NME8: variants seen among roughly 807,000 people sequenced by gnomAD.
The protein encoded by NME8 is protein NME8.
A neutral mutation model predicts 82.3 loss-of-function variants in NME8; 72 were observed. That is an observed-to-expected ratio of 0.87 (90% CI 0.72 to 1.06). The LOEUF is 1.06. NME8 is among the 50% of genes least tolerant of loss of function. The probability of loss-of-function intolerance (pLI) is 0.00; values close to 1 mark genes in which losing one functional copy is unlikely to be tolerated. For synonymous variants in NME8, 267 were observed against 228.5 expected, an observed-to-expected ratio of 1.17 and a Z score of -1.52; for missense variants, 712 against 685.4, an observed-to-expected ratio of 1.04 and a Z score of -0.43.
chr7:37,870,993 G>A (rs570161683), intron 11 of NME8, among the ~76,000 whole-genome samples: 80 of 152,258 alleles, frequency 5.3e-4, no homozygotes, highest in South Asian at 1.7e-3. Flanking sequence ...ACTCTCATGC[G>A]TAATTTATTC....
chr7:37,861,284 T>G (rs1244733488), intron 6 of NME8, among the ~76,000 whole-genome samples: 1 of 152,206 alleles, frequency 6.6e-6, no homozygotes, highest in East Asian at 1.9e-4. Context: ...TCACCTGGCC[T>G]TGTCACTTGC....
At chr7:37,854,282 T>C (rs1784479160) in intron 5 of NME8, among the ~76,000 whole-genome samples, 1 of 152,060 alleles carries the variant, frequency 6.6e-6, no homozygotes, top group Admixed American at 6.6e-5. Flanking sequence ...ATGCATTAAG[T>C]GGAAGTGGAT....
intron 5 of NME8, among the ~76,000 whole-genome samples, chr7:37,854,441 G>A (rs1401640032): frequency 2.0e-5 from 3 of 151,990 alleles, no homozygotes; most frequent in Non-Finnish European, 2.9e-5. Context: ...CAGGCATAGT[G>A]GATGTAATTT....
intron 13 of NME8, 27 bp from the exon 14 acceptor site, chr7:37,885,118 C>G: frequency 6.9e-7 from 1 of 1,451,654 alleles, no homozygotes. Flanking sequence ...CTTCTTATTA[C>G]CTCTTCTTTG....
chr7:37,864,496 C>A, intron 9 of NME8, 75 bp downstream of exon 9: 1 of 1,409,810 alleles, frequency 7.1e-7, no homozygotes, highest in Non-Finnish European at 9.7e-7. Context: ...CAAAGACAAG[C>A]GTACCATTTA....
At chr7:37,885,409 C>G (rs949181778) in intron 14 of NME8, among the ~76,000 whole-genome samples, 157 bp downstream of exon 14, 2 of 152,156 alleles carry the variant, frequency 1.3e-5, no homozygotes, top group Non-Finnish European at 2.9e-5. Flanking sequence ...GACTGGAGGT[C>G]CAACCCAGTG....
chr7:37,848,823 G>A lies in NME8; in HGVS notation c.-240-1G>A, dbSNP rs1049955855. ...AACATTGCCCCCCTTCTTCTTCCCA[G>A]ACAGGCAGGGAATCCCTCTTCTTCC... On this transcript the variant is annotated splice_acceptor_variant, in intron 1 of 17. Coordinates refer to ENST00000199447, the MANE Select transcript of NME8 (RefSeq NM_016616.5). LOFTEE classifies it low-confidence loss of function (5UTR_SPLICE). 3.3e-5 allele frequency: 5 copies of A among 152,266 alleles called. No homozygotes were observed. The highest frequency in any genetic ancestry group is 1.2e-4 in the African/African-American group (5 of 41,452). The allele number at this position is 152,266 out of a possible 1,614,324, so 9.4% of individuals were successfully genotyped here. A position where few individuals can be genotyped will look rare whatever the true frequency, so the allele number is the denominator to read the frequency against.
chr7:37,863,061 A>G (rs942093994), intron 7 of NME8, among the ~76,000 whole-genome samples: 1 of 152,174 alleles, frequency 6.6e-6, no homozygotes. Flanking sequence ...CAGAGATTGC[A>G]GTGAGCCAAA....
intron 11 of NME8, among the ~76,000 whole-genome samples, chr7:37,868,474 G>T (rs1177579081): frequency 4.6e-5 from 7 of 152,072 alleles, no homozygotes; most frequent in Admixed American, 4.6e-4. Context: ...AAATAATAGG[G>T]AAGTCTAGTT....
chr7:37,885,536 C>A (rs1051295356), intron 14 of NME8, among the ~76,000 whole-genome samples: 1 of 152,188 alleles, frequency 6.6e-6, no homozygotes, highest in African/African-American at 2.4e-5. Context: ...GAAATATCCA[C>A]CCTACCCGCT....
intron 5 of NME8, among the ~76,000 whole-genome samples, chr7:37,854,605 T>G (rs769359678): frequency 9.2e-5 from 14 of 152,170 alleles, no homozygotes; most frequent in Admixed American, 9.2e-4. Context: ...TCAAAAGCAG[T>G]CTTGAATAAC....
At chr7:37,851,551 TG>T (rs1203617555) in intron 5 of NME8, among the ~76,000 whole-genome samples, 1 of 152,158 alleles carries the variant, frequency 6.6e-6, no homozygotes, top group African/African-American at 2.4e-5. Flanking sequence ...AAATTTAATA[TG>T]GAAAAAGAAA....
Position 37,878,936 on chromosome 7 carries a change from G to C in NME8, c.994+1929G>C, listed in dbSNP as rs142963018. On this transcript the variant is annotated intron_variant, in intron 12 of 17. Transcript: ENST00000199447. ...TTATTTTGTTCATCCTATGGATTGT[G>C]ACAAATGCATAATGTCAGGTATTCC... Among the ~76,000 whole-genome samples, 729 of 152,044 alleles carry C rather than the reference G, an allele frequency of 4.8e-3. 7 individuals are homozygous for C. The highest frequency in any genetic ancestry group is 0.017 in the African/African-American group (700 of 41,480).
intron 11 of NME8, among the ~76,000 whole-genome samples, chr7:37,874,900 A>C (rs1049430219): frequency 4.6e-5 from 7 of 152,226 alleles, no homozygotes; most frequent in African/African-American, 1.7e-4. Context: ...GTAGCTTTTC[A>C]GTAGATAAAA....
In NME8 at chr7:37,888,355, G is replaced by A. The variant is rs749372977; in HGVS notation, c.1326G>A (p.Arg442=). ...GCGATTCATTAGAAACCGCTGAAAG[G>A]GAAATACAGCATTTCTTTCCTCTTC... ...YGSDSLETAE[R]EIQHFFPLQS... is the part of the protein sequence containing the mutation. Residue 442 remains arginine, a synonymous_variant, in exon 15 of 18, where the codon AGG becomes AGA. Transcript: ENST00000199447. 1.9e-6 allele frequency: 3 copies of A among 1,613,488 alleles called. No individual in the cohort carries two copies. In the South Asian group the frequency reaches 3.3e-5, roughly 18 times the overall value.
At chr7:37,887,747 G>A (rs1354550247) in intron 14 of NME8, among the ~76,000 whole-genome samples, 1 of 152,112 alleles carries the variant, frequency 6.6e-6, no homozygotes, top group Non-Finnish European at 1.5e-5. Flanking sequence ...CGCATGGCTG[G>A]GGAAGCCTCA....
At chr7:37,872,959 T>C (rs1342127836) in intron 11 of NME8, among the ~76,000 whole-genome samples, 3 of 152,214 alleles carry the variant, frequency 2.0e-5, no homozygotes, top group Non-Finnish European at 4.4e-5. Context: ...TAAGCACTTG[T>C]ATACTTCATA....
In NME8 at chr7:37,850,698, A is replaced by ACTGAAAAAAT. The variant is rs1554360789; in HGVS notation, c.161_162insCTGAAAAAAT (p.Glu55Ter). The ACTGAAAAAAT allele has an allele frequency of 6.8e-6, 11 of 1,613,764 alleles. No individual in the cohort carries two copies. Among genetic ancestry groups the ACTGAAAAAAT allele is most frequent in the Admixed American group, 1.7e-5 (1 of 60,006 alleles). Reference sequence around the variant, plus strand: ...CAACCTTTATTCAGAAAATTGAAAAATGAACTGAACGAAGACGAAATTCTG... The same window carrying ACTGAAAAAAT: ...CAACCTTTATTCAGAAAATTGAAAAACTGAAAAAATTGAACTGAACGAAGACGAAATTCTG... On this transcript the variant is annotated stop_gained and frameshift_variant, in exon 5 of 18. Coordinates refer to ENST00000199447, the MANE Select transcript of NME8 (RefSeq NM_016616.5). LOFTEE classifies it high-confidence loss of function.
chr7:37,856,814 T>G (rs1784519024), intron 5 of NME8, among the ~76,000 whole-genome samples: 1 of 152,154 alleles, frequency 6.6e-6, no homozygotes, highest in Admixed American at 6.6e-5. Flanking sequence ...ACATACTATC[T>G]CTGTGCACAC....
Sources: gnomAD v4.1 joint callset for allele counts (sites outside exome capture counted in the v4.1 genomes callset) on GRCh38, gnomAD v4.1.1 for gene constraint, MANE v1.5 for transcripts, NCBI Gene and HGNC (gene_info 2026-07-23, HGNC 2026-07-21) for gene names.